LMO7: variants seen among roughly 807,000 people sequenced by gnomAD.
LMO7 encodes the protein LIM domain 7, also known as LIM domain only protein 7.
Under a neutral mutation model 206.5 loss-of-function variants are expected in LMO7, and 120 were observed. That is an observed-to-expected ratio of 0.58 (90% CI 0.50 to 0.68). LMO7 has a LOEUF of 0.68. Among genes scored for constraint, LMO7 ranks in the 30% least tolerant of loss-of-function variants. The pLI, the probability that LMO7 is intolerant of heterozygous loss-of-function variation, is 0.00. For missense variants in LMO7, 1,959 were observed against 1,957.9 expected (o/e 1.00, Z -0.01); for synonymous variants, 706 against 681.5 (o/e 1.04, Z -0.56).
intron 24 of LMO7, among the ~76,000 whole-genome samples, 171 bp downstream of exon 24, chr13:75,842,154 C>T (rs1376267402): frequency 6.6e-6 from 1 of 152,172 alleles, no homozygotes. Flanking sequence ...TGCTTCACCA[C>T]CCATAACACT....
chr13:75,683,514 C>G (rs951602228), intron 1 of LMO7, among the ~76,000 whole-genome samples: 1 of 152,182 alleles, frequency 6.6e-6, no homozygotes, highest in Admixed American at 6.5e-5. Context: ...TTTTCCTTAG[C>G]AGATTTCTAG....
At chr13:75,805,905 T>C in intron 9 of LMO7, 145 bp downstream of exon 9, 1 of 1,128,426 alleles carries the variant, frequency 8.9e-7, no homozygotes. Context: ...ATAATGGAAA[T>C]GAATTTCTGT....
chr13:75,782,176 A>G (rs2051586968), intron 4 of LMO7, among the ~76,000 whole-genome samples: 1 of 152,200 alleles, frequency 6.6e-6, no homozygotes, highest in Non-Finnish European at 1.5e-5. Flanking sequence ...TTAGAATTAA[A>G]AAGTTTCATG....
chr13:75,691,969 G>A (rs2041520298), intron 1 of LMO7, among the ~76,000 whole-genome samples: 1 of 152,074 alleles, frequency 6.6e-6, no homozygotes, highest in African/African-American at 2.4e-5. Flanking sequence ...CACTTTCTTT[G>A]ATGTCTTAGT....
intron 1 of LMO7, among the ~76,000 whole-genome samples, chr13:75,682,382 G>A (rs911135044): frequency 1.3e-5 from 2 of 152,190 alleles, no homozygotes; most frequent in African/African-American, 4.8e-5. Flanking sequence ...CTTGGATTTT[G>A]TCTGAAGTTA....
Position 75,853,212 on chromosome 13 carries a change from A to G in LMO7, c.4485A>G (p.Pro1495=). The change falls in exon 28 of 31, where the codon CCA becomes CCG. Residue 1495 remains proline (P), a synonymous_variant. Coordinates refer to ENST00000377534, the MANE Select transcript of LMO7 (RefSeq NM_001306080.2). ...SSSVQDFSRP[P]PQLVSTSNRA... is the part of the protein sequence containing the mutation. ...CTGTGCAAGACTTTAGTCGCCCACCACCTCAGCTGGTGTCCACATCAAACC... is the reference window on the plus strand; with the variant it reads ...CTGTGCAAGACTTTAGTCGCCCACCGCCTCAGCTGGTGTCCACATCAAACC... The G allele has an allele frequency of 1.2e-6, 2 of 1,614,070 alleles. No individual in the cohort carries two copies. The highest frequency in any genetic ancestry group is 1.7e-5 in the Admixed American group (1 of 60,020).
At chr13:75,659,731 C>A (rs958794468) in intron 1 of LMO7, among the ~76,000 whole-genome samples, 1 of 152,130 alleles carries the variant, frequency 6.6e-6, no homozygotes, top group Non-Finnish European at 1.5e-5. Flanking sequence ...ATATCACCTG[C>A]TTTCTTGGAA....
chr13:75,735,116 CGTGT>C (rs112512807), intron 3 of LMO7, among the ~76,000 whole-genome samples: 2,297 of 145,556 alleles, frequency 0.016, 58 homozygotes, highest in African/African-American at 0.052. Flanking sequence ...AAAAAAATTA[CGTGT>C]GTGTGTGTGT....
At chr13:75,674,270 A>G (rs183242452) in intron 1 of LMO7, among the ~76,000 whole-genome samples, 10 of 152,368 alleles carry the variant, frequency 6.6e-5, no homozygotes, top group Admixed American at 6.5e-4. Flanking sequence ...CAGTGTTTCT[A>G]GCTTCCAAAA....
At chr13:75,742,863 AT>A (rs1374858869) in intron 3 of LMO7, among the ~76,000 whole-genome samples, 1 of 152,260 alleles carries the variant, frequency 6.6e-6, no homozygotes, top group Non-Finnish European at 1.5e-5. Context: ...AAAAGCAAAA[AT>A]TGACAAATGG....
At chr13:75,817,408 A>G in intron 12 of LMO7, 130 bp downstream of exon 12, 5 of 532,870 alleles carry the variant, frequency 9.4e-6, no homozygotes, top group Non-Finnish European at 1.6e-5. Context: ...AATGTGACCA[A>G]CTTTCTTTAC....
chr13:75,807,882 G>C lies in LMO7; in HGVS notation c.1599G>C (p.Gly533=). 1 of 1,613,870 alleles carries C rather than the reference G, an allele frequency of 6.2e-7. No individual in the cohort carries two copies. ...AGAAGAAAGAAGTGCCGCTGTCTGG[G>C]GCCCCAGATAGATACCACCCAGTCC... The part of the protein sequence containing the change: ...PAQKKEVPLS[G]APDRYHPVPF... The change falls in exon 10 of 31, where the codon GGG becomes GGC. Residue 533 remains glycine, a synonymous_variant. Coordinates refer to ENST00000377534, the MANE Select transcript of LMO7 (RefSeq NM_001306080.2).
At chr13:75,727,194 A>C (rs569869017) in intron 3 of LMO7, 96 bp downstream of exon 3, 11 of 696,408 alleles carry the variant, frequency 1.6e-5, no homozygotes, top group Admixed American at 8.0e-5. Context: ...TTACCACTGA[A>C]ATTAGGTTAT....
chr13:75,790,313 C>G (rs554236452), intron 4 of LMO7, among the ~76,000 whole-genome samples: 15 of 152,140 alleles, frequency 9.9e-5, no homozygotes, highest in Non-Finnish European at 2.1e-4. Flanking sequence ...TTTGATTAAG[C>G]ATTTTTTAAA....
intron 19 of LMO7, among the ~76,000 whole-genome samples, chr13:75,837,150 A>G (rs776630905): frequency 9.2e-5 from 14 of 152,192 alleles, no homozygotes; most frequent in African/African-American, 2.9e-4. Flanking sequence ...GTGGCTTTAA[A>G]TCTACATTCG....
intron 4 of LMO7, among the ~76,000 whole-genome samples, chr13:75,761,736 C>A (rs2048249699): frequency 1.3e-5 from 2 of 151,976 alleles, no homozygotes; most frequent in South Asian, 4.2e-4. Flanking sequence ...ATCTAATTTG[C>A]TTCCAGGCAA....
chr13:75,679,218 T>C (rs9544021), intron 1 of LMO7, among the ~76,000 whole-genome samples: 62,573 of 152,090 alleles, frequency 0.41, 14,048 homozygotes, highest in Middle Eastern at 0.53. Flanking sequence ...CTCAGTTTTA[T>C]AGATGCTTCC....
chr13:75,849,358 T>A (rs1442275782), intron 27 of LMO7, 66 bp downstream of exon 27: 1 of 1,255,204 alleles, frequency 8.0e-7, no homozygotes, highest in Non-Finnish European at 1.2e-6. Context: ...TTTGTAGACA[T>A]CCTGGTGCTT....
At position 75,808,202 on chromosome 13, in the gene LMO7, CAG is replaced by C; in HGVS notation, c.1916+6_1916+7del. 1.3e-6 allele frequency: 2 copies of C among 1,599,450 alleles called. No individual in the cohort carries two copies. The highest frequency in any genetic ancestry group is 1.7e-6 in the Non-Finnish European group (2 of 1,172,104). ...AAGAAAAGGCTGATGGTGGAGAGGTCAGAGTGTGTTTCTGCAAGGATTTTGCT... is the reference window on the plus strand; with the variant it reads ...AAGAAAAGGCTGATGGTGGAGAGGTCAGTGTGTTTCTGCAAGGATTTTGCT... On this transcript the variant is annotated splice_donor_5th_base_variant and intron_variant, in intron 10 of 30. Coordinates refer to ENST00000377534, the MANE Select transcript of LMO7 (RefSeq NM_001306080.2).
Sources: allele counts gnomAD v4.1 joint callset (sites outside exome capture counted in the v4.1 genomes callset), GRCh38; gene constraint gnomAD v4.1.1; transcripts MANE v1.5; gene names NCBI Gene and HGNC (gene_info 2026-07-23, HGNC 2026-07-21).